The following SUPT4H1 variants were observed in gnomAD, a reference collection of about 807,000 sequenced individuals.
The protein encoded by SUPT4H1 is SPT4 homolog, DSIF elongation factor subunit, also known as transcription elongation factor SPT4.
SUPT4H1 carries 12 observed loss-of-function variants against 19.4 expected under a neutral mutation model. The observed-to-expected ratio is 0.62, with a 90% CI of 0.40 to 1.00. The LOEUF (loss-of-function observed/expected upper bound fraction) is 1.00, where lower values mean the gene tolerates loss of function less well. Among genes scored for constraint, SUPT4H1 ranks in the 50% least tolerant of loss-of-function variants. The pLI is 0.00. For synonymous variants in SUPT4H1, 58 were observed against 56.3 expected, an observed-to-expected ratio of 1.03 and a Z score of -0.14; for missense variants, 115 against 149.2, an observed-to-expected ratio of 0.77 and a Z score of 1.19.
intron 4 of SUPT4H1, among the ~76,000 whole-genome samples, 198 bp downstream of exon 4, chr17:58,346,990 G>C (rs543997961): frequency 6.6e-6 from 1 of 152,250 alleles, no homozygotes; most frequent in Non-Finnish European, 1.5e-5. Flanking sequence ...TCTGGAGCCA[G>C]AATGCCTGGA....
At chr17:58,346,938 A>C (rs950967489) in intron 4 of SUPT4H1, among the ~76,000 whole-genome samples, 4 of 152,044 alleles carry the variant, frequency 2.6e-5, no homozygotes, top group African/African-American at 9.7e-5. Context: ...ACATAGTGAG[A>C]CCTTGTCTCT....
intron 2 of SUPT4H1, 148 bp downstream of exon 2, chr17:58,351,251 CAAA>C (rs565767343): frequency 0.17 from 59,885 of 359,052 alleles, 1,290 homozygotes; most frequent in Admixed American, 0.2. Flanking sequence ...AACCCTGATT[CAAA>C]AAAAAAAAAA....
chr17:58,351,624 G>A (rs1317115157), intron 1 of SUPT4H1, 116 bp from the exon 2 acceptor site: 6 of 729,056 alleles, frequency 8.2e-6, no homozygotes, highest in East Asian at 5.1e-5. Context: ...TATGTTGACT[G>A]TGTATCCTAA....
intron 2 of SUPT4H1, among the ~76,000 whole-genome samples, chr17:58,348,123 A>G (rs1972359112): frequency 6.6e-6 from 1 of 152,238 alleles, no homozygotes; most frequent in Non-Finnish European, 1.5e-5. Flanking sequence ...CACCTAGCAC[A>G]AAGACTAGCA....
intron 2 of SUPT4H1, among the ~76,000 whole-genome samples, chr17:58,350,785 G>C (rs1484684080): frequency 2.2e-5 from 3 of 138,956 alleles, no homozygotes; most frequent in African/African-American, 8.0e-5. Flanking sequence ...GCAGTGAGCC[G>C]AGACTGCACC....
chr17:58,350,258 A>C (rs576923304), intron 2 of SUPT4H1, among the ~76,000 whole-genome samples: 1 of 151,318 alleles, frequency 6.6e-6, no homozygotes, highest in South Asian at 2.1e-4. Flanking sequence ...TCACTCCTGT[A>C]ATCCCAGCAC....
intron 4 of SUPT4H1, among the ~76,000 whole-genome samples, chr17:58,346,618 G>A (rs1363334461): frequency 6.6e-6 from 1 of 151,738 alleles, no homozygotes; most frequent in Non-Finnish European, 1.5e-5. Flanking sequence ...AGCTATTTGG[G>A]AGGCTGAGGC....
intron 2 of SUPT4H1, among the ~76,000 whole-genome samples, chr17:58,351,103 C>T (rs186354174): frequency 1.3e-4 from 20 of 151,822 alleles, no homozygotes; most frequent in African/African-American, 4.6e-4. Flanking sequence ...CTAGTATGTC[C>T]CAAAATAACT....
intron 2 of SUPT4H1, among the ~76,000 whole-genome samples, chr17:58,349,676 A>G (rs1023673736): frequency 6.6e-6 from 1 of 152,252 alleles, no homozygotes; most frequent in Non-Finnish European, 1.5e-5. Context: ...AGAACATGCT[A>G]TACACATACA....
intron 2 of SUPT4H1, among the ~76,000 whole-genome samples, chr17:58,350,397 A>G (rs1419813323): frequency 6.6e-6 from 1 of 151,774 alleles, no homozygotes; most frequent in Non-Finnish European, 1.5e-5. Context: ...CTGTAATCCC[A>G]GCTACTCAGG....
chr17:58,350,510 C>CAAATAAAT (rs71143243), intron 2 of SUPT4H1, among the ~76,000 whole-genome samples: 3,824 of 146,906 alleles, frequency 0.026, 82 homozygotes, highest in Middle Eastern at 0.11. Flanking sequence ...GACTCCATCT[C>CAAATAAAT]AAATAAATAA....
chr17:58,351,588 T>TC, intron 1 of SUPT4H1, 80 bp from the exon 2 acceptor site: 1 of 927,754 alleles, frequency 1.1e-6, no homozygotes, highest in South Asian at 1.4e-5. Context: ...TCTCAATACT[T>TC]CGACCTGCTC....
At position 58,352,067 on chromosome 17, in the gene SUPT4H1, C is replaced by T; in HGVS notation, c.69G>A (p.Lys23=). Residue 23 remains lysine (K), a splice_region_variant and synonymous_variant, in exon 1 of 5, where the codon AAG becomes AAA. Coordinates refer to ENST00000225504, the MANE Select transcript of SUPT4H1 (RefSeq NM_003168.3). ...LRACLLCSLV[K]TIDQFEYDGC... is the part of the protein sequence containing the mutation. ...CTACAACCAGGTCCCCGACTGACAC[C>T]TTGACCAGCGAACACAGCAAACAGG... 1.2e-6 allele frequency: 2 copies of T among 1,614,210 alleles called. No individual in the cohort carries two copies. Among genetic ancestry groups the T allele is most frequent in the Non-Finnish European group, 1.7e-6 (2 of 1,180,018 alleles).
At chr17:58,351,788 C>G in intron 1 of SUPT4H1, 11 of 572,794 alleles carry the variant, frequency 1.9e-5, no homozygotes, top group Non-Finnish European at 3.4e-5. Context: ...CGGATCCCCA[C>G]CCGCCTCTGA....
At chr17:58,351,332 C>T in intron 2 of SUPT4H1, 70 bp downstream of exon 2, 1 of 1,060,098 alleles carries the variant, frequency 9.4e-7, no homozygotes, top group Non-Finnish European at 1.4e-6. Context: ...TTAACACTTG[C>T]CCTGCATTTA....
In SUPT4H1 at chr17:58,351,411, G is replaced by A; in HGVS notation, c.167C>T (p.Ser56Phe). 1 of 1,611,424 alleles carries A rather than the reference G, an allele frequency of 6.2e-7. No homozygotes were observed. The highest frequency in any genetic ancestry group is 8.5e-7 in the Non-Finnish European group (1 of 1,178,094). The change falls in exon 2 of 5, where the codon TCC becomes TTC. Residue 56 changes from serine (S) to phenylalanine (F), a missense_variant. Ser to Phe is a radical substitution (Grantham distance 155). Coordinates refer to ENST00000225504, the MANE Select transcript of SUPT4H1 (RefSeq NM_003168.3). ...AACTGAAGCGGCTTACCCATCAAAGGAAGAGCTAGTGCAGTCATATACCAT... is the reference window on the plus strand; with the variant it reads ...AACTGAAGCGGCTTACCCATCAAAGAAAGAGCTAGTGCAGTCATATACCAT... ...REMVYDCTSS[S>F]FDGIIAMMSP...
At chr17:58,350,298 G>A (rs1000195216) in intron 2 of SUPT4H1, among the ~76,000 whole-genome samples, 3 of 151,764 alleles carry the variant, frequency 2.0e-5, no homozygotes, top group Admixed American at 1.3e-4. Flanking sequence ...TGGATCACGA[G>A]GTCAGCAGTT....
chr17:58,352,097 C>G lies in SUPT4H1; in HGVS notation c.39G>C (p.Leu13=), dbSNP rs1250735847. ...LETVPKDLRH[L]RACLLCSLVK... ...CCAGCGAACACAGCAAACAGGCCCG[C>G]AGATGCCGCAGGTCCTTCGGCACCG... The change falls in exon 1 of 5, where the codon CTG becomes CTC. Residue 13 remains leucine (L), a synonymous_variant. Transcript: ENST00000225504. 41 of 1,614,220 alleles carry G rather than the reference C, an allele frequency of 2.5e-5. No homozygotes were observed. The highest frequency in any genetic ancestry group is 3.1e-5 in the Non-Finnish European group (37 of 1,180,036).
chr17:58,351,497 C>T lies in SUPT4H1; in HGVS notation c.81G>A (p.Gln27=), dbSNP rs1228113546. The T allele has an allele frequency of 1.2e-6, 2 of 1,612,462 alleles. No individual in the cohort carries two copies. The highest frequency in any genetic ancestry group is 2.7e-5 in the African/African-American group (2 of 74,872). Residue 27 remains glutamine (Q), a synonymous_variant, in exon 2 of 5, where the codon CAG becomes CAA. Transcript: ENST00000225504. ...AATTGTCACAACCATCATATTCAAA[C>T]TGGTCTATAGTCTGGGAGTGAAAGA... ...LLCSLVKTID[Q]FEYDGCDNCD...
Sources: gnomAD v4.1 joint callset for allele counts (sites outside exome capture counted in the v4.1 genomes callset) on GRCh38, gnomAD v4.1.1 for gene constraint, MANE v1.5 for transcripts, NCBI Gene and HGNC (gene_info 2026-07-23, HGNC 2026-07-21) for gene names.